Variants in TMEM108 observed in about 807,000 individuals in gnomAD.
TMEM108 encodes transmembrane protein 108.
Under a neutral mutation model 35.1 loss-of-function variants are expected in TMEM108, and 12 were observed. That is an observed-to-expected ratio of 0.34 (90% CI 0.22 to 0.55). The LOEUF (loss-of-function observed/expected upper bound fraction) is 0.55. TMEM108 is among the 20% of genes least tolerant of loss of function. TMEM108 has a pLI of 0.89. For synonymous variants in TMEM108, 287 were observed against 308.6 expected (o/e 0.93, Z 0.73); for missense variants, 680 against 753.3 (o/e 0.90, Z 1.14).
At chr3:133,294,508 T>C (rs1947116144) in intron 3 of TMEM108, among the ~76,000 whole-genome samples, 1 of 152,228 alleles carries the variant, frequency 6.6e-6, no homozygotes, top group East Asian at 1.9e-4. Context: ...TAATTTAATT[T>C]AAATACCAAT....
chr3:133,334,612 T>C (rs2071456959), intron 3 of TMEM108, among the ~76,000 whole-genome samples: 1 of 152,046 alleles, frequency 6.6e-6, no homozygotes, highest in African/African-American at 2.4e-5. Flanking sequence ...TCCTCACTCC[T>C]TGGGGCAGGT....
At chr3:133,220,008 G>A (rs778487886) in intron 2 of TMEM108, among the ~76,000 whole-genome samples, 7 of 150,036 alleles carry the variant, frequency 4.7e-5, no homozygotes, top group Non-Finnish European at 1.0e-4. Context: ...GGATGCATAT[G>A]TATTTATAAT....
intron 2 of TMEM108, among the ~76,000 whole-genome samples, chr3:133,078,443 A>C (rs1163614220): frequency 6.6e-6 from 1 of 152,110 alleles, no homozygotes; most frequent in Non-Finnish European, 1.5e-5. Context: ...TGTAGAGCTG[A>C]CCTGAGTGGC....
intron 2 of TMEM108, among the ~76,000 whole-genome samples, chr3:133,210,434 A>T (rs1945819110): frequency 6.6e-6 from 1 of 152,194 alleles, no homozygotes; most frequent in Admixed American, 6.5e-5. Context: ...CATAATAGCC[A>T]TATTGGGAGC....
chr3:133,102,833 A>G (rs1330015696), intron 2 of TMEM108, among the ~76,000 whole-genome samples: 1 of 152,036 alleles, frequency 6.6e-6, no homozygotes. Context: ...GGGCATGTGA[A>G]AAAAAGCTCA....
At chr3:133,269,428 A>G (rs537572191) in intron 3 of TMEM108, among the ~76,000 whole-genome samples, 1 of 152,302 alleles carries the variant, frequency 6.6e-6, no homozygotes, top group East Asian at 1.9e-4. Flanking sequence ...ATTCTTCTCC[A>G]GGCATGAACC....
At chr3:133,391,268 CAGAA>C (rs2073230794) in intron 5 of TMEM108, among the ~76,000 whole-genome samples, 2 of 152,256 alleles carry the variant, frequency 1.3e-5, no homozygotes, top group South Asian at 4.1e-4. Flanking sequence ...TGGAATGACA[CAGAA>C]AGACAGACTA....
At chr3:133,115,667 T>G (rs1051743249) in intron 2 of TMEM108, among the ~76,000 whole-genome samples, 1 of 152,258 alleles carries the variant, frequency 6.6e-6, no homozygotes, top group African/African-American at 2.4e-5. Context: ...TGTTATGCAT[T>G]AAAGAGAAAT....
chr3:133,261,695 T>A (rs535877323), intron 3 of TMEM108, among the ~76,000 whole-genome samples: 3 of 152,326 alleles, frequency 2.0e-5, no homozygotes, highest in South Asian at 2.1e-4. Context: ...TTGATGGAGG[T>A]TTGAAGCCCA....
At chr3:133,305,967 C>T (rs1420818844) in intron 3 of TMEM108, among the ~76,000 whole-genome samples, 1 of 151,924 alleles carries the variant, frequency 6.6e-6, no homozygotes, top group Non-Finnish European at 1.5e-5. Context: ...TGTAACAGTT[C>T]ATTATATATA....
intron 1 of TMEM108, among the ~76,000 whole-genome samples, chr3:133,039,907 A>G (rs565967928): frequency 6.6e-6 from 1 of 152,330 alleles, no homozygotes; most frequent in African/African-American, 2.4e-5. Flanking sequence ...ATGCCTGTGA[A>G]ATGCCTACAC....
In TMEM108 at chr3:133,378,816, T is replaced by A. The variant is rs2072918323; in HGVS notation, c.41-936T>A. Reference sequence around the variant, plus strand: ...TCATACAAAATCCTTTTTTTTTTTTTTTTTTTAATGTTCAAAAGGGCTCCT... The same window carrying A: ...TCATACAAAATCCTTTTTTTTTTTTATTTTTTAATGTTCAAAAGGGCTCCT... On this transcript the variant is annotated intron_variant, in intron 3 of 5. Transcript: ENST00000321871. Among the ~76,000 whole-genome samples the A allele has an allele frequency of 3.3e-5, 5 of 152,120 alleles. No homozygotes were observed. The South Asian group carries it at 8.3e-4, about 25-fold the overall frequency.
chr3:133,388,119 C>T, intron 4 of TMEM108: 1 of 985,476 alleles, frequency 1.0e-6, no homozygotes, highest in Non-Finnish European at 1.2e-6. Context: ...TCTAACTCTA[C>T]CAAAACTGAG....
intron 4 of TMEM108, among the ~76,000 whole-genome samples, chr3:133,382,453 C>T (rs2073037484): frequency 6.6e-6 from 1 of 152,268 alleles, no homozygotes; most frequent in Admixed American, 6.5e-5. Flanking sequence ...TGTAGGGCTG[C>T]ATTGCCTGGG....
chr3:133,168,113 A>G (rs1487631787), intron 2 of TMEM108, among the ~76,000 whole-genome samples: 1 of 152,080 alleles, frequency 6.6e-6, no homozygotes, highest in Non-Finnish European at 1.5e-5. Flanking sequence ...AAGGGAAGGG[A>G]TGTAATGAGG....
At chr3:133,331,243 C>T (rs1051569485) in intron 3 of TMEM108, among the ~76,000 whole-genome samples, 1 of 152,100 alleles carries the variant, frequency 6.6e-6, no homozygotes, top group South Asian at 2.1e-4. Flanking sequence ...AATATACTGA[C>T]GTTTGGTGTG....
At chr3:133,270,761 G>GT (rs570612732) in intron 3 of TMEM108, among the ~76,000 whole-genome samples, 15 of 150,916 alleles carry the variant, frequency 9.9e-5, no homozygotes, top group South Asian at 4.2e-4. Context: ...TTTTCTCCCT[G>GT]TTTTTTTTAT....
At chr3:133,060,827 T>A (rs565738004) in intron 2 of TMEM108, among the ~76,000 whole-genome samples, 31 of 152,294 alleles carry the variant, frequency 2.0e-4, no homozygotes, top group African/African-American at 7.0e-4. Context: ...AGATACCCAC[T>A]ACATATTTGT....
chr3:133,307,510 AC>A (rs1576446071), intron 3 of TMEM108, among the ~76,000 whole-genome samples: 1 of 152,168 alleles, frequency 6.6e-6, no homozygotes, highest in East Asian at 1.9e-4. Flanking sequence ...TTTAGGTCTA[AC>A]ATTTAAGTCT....
Sources: gnomAD v4.1 joint callset for allele counts (sites outside exome capture counted in the v4.1 genomes callset) on GRCh38, gnomAD v4.1.1 for gene constraint, MANE v1.5 for transcripts, NCBI Gene and HGNC (gene_info 2026-07-23, HGNC 2026-07-21) for gene names.